The following ZNF555 variants were observed in gnomAD, a reference collection of about 807,000 sequenced individuals.
ZNF555 encodes zinc finger protein 555.
In ZNF555, 10 loss-of-function variants were observed where a neutral mutation model predicts 14.0. The observed-to-expected ratio is 0.72, with a 90% CI of 0.44 to 1.21. The LOEUF (loss-of-function observed/expected upper bound fraction) is 1.21, where lower values mean the gene tolerates loss of function less well. Among genes scored for constraint, ZNF555 ranks in the 50% most tolerant of loss-of-function variants. The probability of loss-of-function intolerance (pLI) is 0.00; values close to 1 mark genes in which losing one functional copy is unlikely to be tolerated. For missense variants in ZNF555, 747 were observed against 762.0 expected (o/e 0.98, Z 0.23); for synonymous variants, 277 against 262.4 (o/e 1.06, Z -0.54).
chr19:2,845,774 G>C lies in ZNF555; in HGVS notation c.3+4199G>C, dbSNP rs574008268. Among the ~76,000 whole-genome samples the C allele has an allele frequency of 3.9e-5, 6 of 152,184 alleles. No individual in the cohort carries two copies. In the East Asian group the frequency reaches 9.6e-4, roughly 24 times the overall value. ...CTTAGAAAGCCAGGTGGCTTATTAA[G>C]TTTCTGTAGTATTCTCTTCCTTCCC... On this transcript the variant is annotated intron_variant, in intron 1 of 3. Coordinates refer to ENST00000334241, the MANE Select transcript of ZNF555 (RefSeq NM_152791.5).
intron 1 of ZNF555, 147 bp from the exon 2 acceptor site, chr19:2,850,440 G>C: frequency 9.0e-7 from 1 of 1,108,850 alleles, no homozygotes; most frequent in Non-Finnish European, 1.3e-6. Flanking sequence ...AGTGAGTGTA[G>C]ACAGGAAGGA....
At chr19:2,847,187 G>A (rs1314975940) in intron 1 of ZNF555, 1 of 152,178 alleles carries the variant, frequency 6.6e-6, no homozygotes, top group Non-Finnish European at 1.5e-5. Context: ...TATCACACAT[G>A]CCGATGCGGT....
In ZNF555 at chr19:2,853,081, C is replaced by G. The variant is rs974693256; in HGVS notation, c.1016C>G (p.Pro339Arg). Residue 339 changes from proline to arginine, a missense_variant, in exon 4 of 4, where the codon CCC becomes CGC. Coordinates refer to ENST00000334241, the MANE Select transcript of ZNF555 (RefSeq NM_152791.5). ...RHMITHTGEKPYECKQCGKTF... is the reference protein window; with the variant it reads ...RHMITHTGEKRYECKQCGKTF... ...ATGATAACACACACTGGAGAGAAAC[C>G]CTACGAATGCAAACAATGTGGGAAA... is the stretch of plus-strand genomic sequence containing the variant. 1 of 1,614,146 alleles carries G rather than the reference C, an allele frequency of 6.2e-7. No individual in the cohort carries two copies. Among genetic ancestry groups the G allele is most frequent in the African/African-American group, 1.3e-5 (1 of 75,034 alleles).
rs751638591 is a variant in ZNF555 at position 2,853,146 on chromosome 19, A to T, written c.1081A>T (p.Ile361Phe). ...CCAGTCCTTTCGAAGACATGAAAGG[A>T]TTCACACTGGAGAGAAACCCTACGA... ...YLQSFRRHER[I>F]HTGEKPYECK... Residue 361 changes from isoleucine (I) to phenylalanine (F), a missense_variant, in exon 4 of 4, where the codon ATT becomes TTT. By Grantham distance (21) the Ile-to-Phe change is conservative. Transcript: ENST00000334241. 3 of 1,614,156 alleles carry T rather than the reference A, an allele frequency of 1.9e-6. No individual in the cohort carries two copies. The highest frequency in any genetic ancestry group is 2.5e-6 in the Non-Finnish European group (3 of 1,180,018).
chr19:2,853,978 C>T lies in ZNF555; in HGVS notation c.*26C>T. The T allele has an allele frequency of 6.2e-7, 1 of 1,611,188 alleles. No individual in the cohort carries two copies. On this transcript the variant is annotated 3_prime_UTR_variant, in exon 4 of 4. Coordinates refer to ENST00000334241, the MANE Select transcript of ZNF555 (RefSeq NM_152791.5). ...GTTCCTTATCCTGAAAGTGGACACT[C>T]AAGGAGTGTGTCTGTAGTTCATTTG... is the stretch of plus-strand genomic sequence containing the variant.
In ZNF555 at chr19:2,853,672, A is replaced by G. The variant is rs1027142454; in HGVS notation, c.1607A>G (p.Tyr536Cys). 4.4e-6 allele frequency: 7 copies of G among 1,583,496 alleles called. No homozygotes were observed. The highest frequency in any genetic ancestry group is 2.4e-5 in the South Asian group (2 of 84,530). ...AGAACGCACACTGTAGAGAAGCCCT[A>G]TGAATGTAAGGAATGTGGGAAGGTC... is the stretch of plus-strand genomic sequence containing the variant. ...HVRTHTVEKPYECKECGKVFK... is the reference protein window; with the variant it reads ...HVRTHTVEKPCECKECGKVFK... Residue 536 changes from tyrosine to cysteine, a missense_variant, in exon 4 of 4, where the codon TAT becomes TGT. Transcript: ENST00000334241.
chr19:2,850,159 A>G (rs1041989998), intron 1 of ZNF555, among the ~76,000 whole-genome samples: 1 of 152,208 alleles, frequency 6.6e-6, no homozygotes, highest in African/African-American at 2.4e-5. Flanking sequence ...CCAATCCTTC[A>G]GTGTTTTTAT....
In ZNF555 at chr19:2,853,189, A is replaced by C; in HGVS notation, c.1124A>C (p.Lys375Thr). Reference protein sequence around the residue: ...EKPYECKQCGKTFIYPQSFRR... With the variant: ...EKPYECKQCGTTFIYPQSFRR... ...CCCTACGAATGCAAACAGTGTGGGA[A>C]GACCTTCATTTATCCCCAGTCCTTT... Residue 375 changes from lysine (K) to threonine (T), a missense_variant, in exon 4 of 4, where the codon AAG becomes ACG. By Grantham distance (78) the Lys-to-Thr change is moderately conservative. Transcript: ENST00000334241. 1 of 1,614,222 alleles carries C rather than the reference A, an allele frequency of 6.2e-7. No homozygotes were observed. The highest frequency in any genetic ancestry group is 8.5e-7 in the Non-Finnish European group (1 of 1,180,028).
At chr19:2,850,505 T>G in intron 1 of ZNF555, 82 bp from the exon 2 acceptor site, 1 of 1,550,642 alleles carries the variant, frequency 6.4e-7, no homozygotes, top group South Asian at 1.2e-5. Flanking sequence ...AGAATCTTGT[T>G]TGAACTACAT....
intron 2 of ZNF555, among the ~76,000 whole-genome samples, chr19:2,851,096 T>TCAAG (rs1192159992): frequency 2.6e-5 from 4 of 151,674 alleles, no homozygotes; most frequent in African/African-American, 9.7e-5. Context: ...CCTCCCGAGT[T>TCAAG]CAAGCAATTA....
At position 2,852,738 on chromosome 19, in the gene ZNF555, G is replaced by C. The variant is rs1374302023; in HGVS notation, c.673G>C (p.Glu225Gln). ...TCGGCATGTAAGGATTCACACTGCT[G>C]AGAAAACCTACGAATGTAAGCAATG... ...LNRHVRIHTA[E>Q]KTYECKQCGK... The change falls in exon 4 of 4, where the codon GAG becomes CAG. Residue 225 changes from glutamate (E) to glutamine (Q), a missense_variant. Glu to Gln is a conservative substitution (Grantham distance 29, BLOSUM62 2). Coordinates refer to ENST00000334241, the MANE Select transcript of ZNF555 (RefSeq NM_152791.5). 2.5e-6 allele frequency: 4 copies of C among 1,614,070 alleles called. No individual in the cohort carries two copies. The highest frequency in any genetic ancestry group is 1.1e-5 in the South Asian group (1 of 91,092).
chr19:2,850,787 C>A, intron 2 of ZNF555, 74 bp downstream of exon 2: 2 of 1,578,792 alleles, frequency 1.3e-6, no homozygotes, highest in Non-Finnish European at 1.7e-6. Context: ...AGACCTGTTC[C>A]AAGGCTTGGA....
At position 2,841,502 on chromosome 19, in the gene ZNF555, C is replaced by T; in HGVS notation, c.-71C>T. 2 of 1,544,418 alleles carry T rather than the reference C, an allele frequency of 1.3e-6. No individual in the cohort carries two copies. The highest frequency in any genetic ancestry group is 1.7e-6 in the Non-Finnish European group (2 of 1,143,904). ...CCTAGCCGTGAGTGCCCCGCCTGCCCCTAGCGGTCCCTGGCGTCCCGGTTC... is the reference window on the plus strand; with the variant it reads ...CCTAGCCGTGAGTGCCCCGCCTGCCTCTAGCGGTCCCTGGCGTCCCGGTTC... On this transcript the variant is annotated 5_prime_UTR_variant, in exon 1 of 4. Coordinates refer to ENST00000334241, the MANE Select transcript of ZNF555 (RefSeq NM_152791.5).
At chr19:2,849,209 CAG>C (rs2087607493) in intron 1 of ZNF555, among the ~76,000 whole-genome samples, 1 of 151,918 alleles carries the variant, frequency 6.6e-6, no homozygotes, top group Non-Finnish European at 1.5e-5. Context: ...TGATCTTTCT[CAG>C]CAGGTTTGAG....
At chr19:2,844,401 C>T (rs1358452022) in intron 1 of ZNF555, among the ~76,000 whole-genome samples, 1 of 151,660 alleles carries the variant, frequency 6.6e-6, no homozygotes, top group African/African-American at 2.4e-5. Flanking sequence ...CTGCACCTGG[C>T]CATTTTTATG....
Position 2,852,915 on chromosome 19 carries a change from T to C in ZNF555, c.850T>C (p.Tyr284His). Residue 284 changes from tyrosine to histidine, a missense_variant, in exon 4 of 4, where the codon TAT becomes CAT. Coordinates refer to ENST00000334241, the MANE Select transcript of ZNF555 (RefSeq NM_152791.5). ...HTITHTGEKPYKCKECAEAFS... is the reference protein window; with the variant it reads ...HTITHTGEKPHKCKECAEAFS... ...AATAACACACACTGGCGAGAAGCCA[T>C]ATAAATGTAAGGAATGTGCGGAAGC... 1 of 1,614,184 alleles carries C rather than the reference T, an allele frequency of 6.2e-7. No individual in the cohort carries two copies. Among genetic ancestry groups the C allele is most frequent in the Non-Finnish European group, 8.5e-7 (1 of 1,180,038 alleles).
At position 2,859,654 on chromosome 19, in the gene ZNF555, C is replaced by G. The variant is rs1179818686; in HGVS notation, c.*5702C>G. On this transcript the variant is annotated 3_prime_UTR_variant, in exon 4 of 4. Transcript: ENST00000334241. ...TCTTGTCCTGTCGCAGACTCAGGCT[C>G]CCTGTTCTCAGGTTCTTATGTAGAC... 1 of 152,328 alleles carries G rather than the reference C, an allele frequency of 6.6e-6. No homozygotes were observed. The highest frequency in any genetic ancestry group is 1.5e-5 in the Non-Finnish European group (1 of 68,110). The allele number at this position is 152,328 out of a possible 1,614,324, so 9.4% of individuals were successfully genotyped here.
Position 2,853,283 on chromosome 19 carries a change from T to G in ZNF555, c.1218T>G (p.Ser406Arg), listed in dbSNP as rs2087651586. The change falls in exon 4 of 4, where the codon AGT (serine) becomes AGG (arginine). Residue 406 changes from serine to arginine, a missense_variant. Transcript: ENST00000334241. ...YECNQCGKAF[S>R]HPSSFRGHMR... ...GCAACCAGTGCGGGAAAGCATTCAG[T>G]CACCCCTCCTCCTTTCGAGGACACA... 1.2e-6 allele frequency: 2 copies of G among 1,614,068 alleles called. No homozygotes were observed. Among genetic ancestry groups the G allele is most frequent in the African/African-American group, 2.7e-5 (2 of 75,022 alleles).
At chr19:2,843,858 T>C (rs2087559065) in intron 1 of ZNF555, among the ~76,000 whole-genome samples, 1 of 152,036 alleles carries the variant, frequency 6.6e-6, no homozygotes, top group South Asian at 2.1e-4. Context: ...TGTGTCCCTT[T>C]ACTTTGTTTT....
Sources: allele counts gnomAD v4.1 joint callset (sites outside exome capture counted in the v4.1 genomes callset), GRCh38; gene constraint gnomAD v4.1.1; transcripts MANE v1.5; gene names NCBI Gene and HGNC (gene_info 2026-07-23, HGNC 2026-07-21).